Variants in CLMN observed in about 807,000 individuals in gnomAD.
CLMN encodes the protein calmin.
CLMN carries 57 observed loss-of-function variants against 92.7 expected under a neutral mutation model. The observed-to-expected ratio is 0.61, with a 90% CI of 0.50 to 0.77. The LOEUF (loss-of-function observed/expected upper bound fraction) is 0.77. Among genes scored for constraint, CLMN ranks in the 30% least tolerant of loss-of-function variants. CLMN has a pLI of 0.00. For synonymous variants in CLMN, 466 were observed against 470.6 expected (o/e 0.99, Z 0.13); for missense variants, 1,158 against 1,237.5 (o/e 0.94, Z 0.96).
At position 95,319,871 on chromosome 14, in the gene CLMN, G is replaced by C; in HGVS notation, c.-79C>G. ...AGCCTGGCTGGCGGGCGCGCGAGCG[G>C]CACGCACCCGGCGAGGGCGCCGCGG... On this transcript the variant is annotated 5_prime_UTR_variant, in exon 1 of 13. Coordinates refer to ENST00000298912, the MANE Select transcript of CLMN (RefSeq NM_024734.4). The C allele has an allele frequency of 1.7e-5, 13 of 754,552 alleles. No homozygotes were observed. Among genetic ancestry groups the C allele is most frequent in the Non-Finnish European group, 2.1e-5 (13 of 630,306 alleles). The allele number at this position is 754,552 out of a possible 1,614,324, so 46.7% of individuals were successfully genotyped here. A position where few individuals can be genotyped will look rare whatever the true frequency, so the allele number is the denominator to read the frequency against.
intron 1 of CLMN, among the ~76,000 whole-genome samples, chr14:95,250,405 A>C (rs1898734832): frequency 6.6e-6 from 1 of 152,252 alleles, no homozygotes; most frequent in Non-Finnish European, 1.5e-5. Context: ...CATTTTATGC[A>C]TAAATGCCTG....
chr14:95,291,052 C>A (rs1020319578), intron 1 of CLMN, among the ~76,000 whole-genome samples: 1 of 152,234 alleles, frequency 6.6e-6, no homozygotes, highest in Non-Finnish European at 1.5e-5. Flanking sequence ...TCCGAGCTGA[C>A]CACGCTCTTC....
chr14:95,240,739 T>C (rs926523246), intron 1 of CLMN, among the ~76,000 whole-genome samples: 6 of 152,156 alleles, frequency 3.9e-5, no homozygotes, highest in Non-Finnish European at 8.8e-5. Context: ...GCCTCGTAAT[T>C]CTCCCAACCA....
intron 1 of CLMN, among the ~76,000 whole-genome samples, chr14:95,300,830 G>C (rs1196028809): frequency 1.3e-5 from 2 of 152,202 alleles, no homozygotes; most frequent in East Asian, 3.8e-4. Flanking sequence ...GCAGAGACTA[G>C]GTCTGTTCTC....
chr14:95,304,495 G>C (rs957850340), intron 1 of CLMN, among the ~76,000 whole-genome samples: 35 of 152,198 alleles, frequency 2.3e-4, no homozygotes, highest in African/African-American at 8.4e-4. Context: ...TGCACTAAGA[G>C]GATGAGAGGA....
rs1483380976 is a variant in CLMN at position 95,185,911 on chromosome 14, C to G, written c.*5653G>C. The stretch of plus-strand genomic sequence containing the variant: ...CATGACCACGGAAGGAGAACAGCTC[C>G]TCACCAAAGCAGCCATGATGGATTC... On this transcript the variant is annotated 3_prime_UTR_variant, in exon 13 of 13. Coordinates refer to ENST00000298912, the MANE Select transcript of CLMN (RefSeq NM_024734.4). The G allele has an allele frequency of 6.6e-6, 1 of 152,228 alleles. No homozygotes were observed. The highest frequency in any genetic ancestry group is 1.5e-5 in the Non-Finnish European group (1 of 68,044). 9.4% of individuals were successfully genotyped at this position (152,228 alleles called of 1,614,324 possible).
chr14:95,278,381 TTTC>T (rs1240471110), intron 1 of CLMN, among the ~76,000 whole-genome samples: 1 of 152,220 alleles, frequency 6.6e-6, no homozygotes, highest in Non-Finnish European at 1.5e-5. Context: ...GAAAAAGTTT[TTTC>T]TTCTTGGTGA....
intron 1 of CLMN, among the ~76,000 whole-genome samples, chr14:95,230,983 G>A (rs901850397): frequency 5.3e-5 from 8 of 152,282 alleles, no homozygotes; most frequent in East Asian, 3.9e-4. Context: ...TGCCAAGGGC[G>A]ACTGCCATCC....
At chr14:95,293,804 C>G (rs954931698) in intron 1 of CLMN, among the ~76,000 whole-genome samples, 1 of 152,074 alleles carries the variant, frequency 6.6e-6, no homozygotes, top group African/African-American at 2.4e-5. Flanking sequence ...CTTCCTTTCC[C>G]AAGGGTCTCG....
intron 1 of CLMN, among the ~76,000 whole-genome samples, chr14:95,300,915 T>C (rs1031520966): frequency 1.3e-5 from 2 of 152,226 alleles, no homozygotes; most frequent in Non-Finnish European, 2.9e-5. Context: ...TGTAGGAAGC[T>C]GCTGTTGCAT....
At position 95,223,825 on chromosome 14, in the gene CLMN, A is replaced by G; in HGVS notation, c.175T>C (p.Phe59Leu). ...CNPPLEVKDL[F>L]VDIQDGKILM... is the part of the protein sequence containing the mutation. ...ATTTTGCCATCTTGTATATCGACGA[A>G]TAAATCTTTAACTTCTAGAGGTGGG... Residue 59 changes from phenylalanine (F) to leucine (L), a missense_variant, in exon 3 of 13, where the codon TTC becomes CTC. Coordinates refer to ENST00000298912, the MANE Select transcript of CLMN (RefSeq NM_024734.4). 1 of 1,613,666 alleles carries G rather than the reference A, an allele frequency of 6.2e-7. No individual in the cohort carries two copies. The highest frequency in any genetic ancestry group is 8.5e-7 in the Non-Finnish European group (1 of 1,179,910).
At chr14:95,242,408 A>G (rs1185076339) in intron 1 of CLMN, among the ~76,000 whole-genome samples, 1 of 149,888 alleles carries the variant, frequency 6.7e-6, no homozygotes, top group Non-Finnish European at 1.5e-5. Flanking sequence ...ACAGGCATGC[A>G]CCGCCATGCC....
intron 6 of CLMN, among the ~76,000 whole-genome samples, chr14:95,212,329 C>G (rs533394462): frequency 6.6e-6 from 1 of 152,326 alleles, no homozygotes; most frequent in Admixed American, 6.5e-5. Flanking sequence ...CCAGTCTGTA[C>G]GCTGAGGAGC....
chr14:95,204,514 AC>A (rs1439048840), intron 8 of CLMN, 51 bp from the exon 9 acceptor site: 11 of 1,471,442 alleles, frequency 7.5e-6, no homozygotes, highest in East Asian at 2.3e-5. Flanking sequence ...AAGAACAACA[AC>A]AAAAAAAAGC....
chr14:95,210,448 A>C (rs560200216), intron 7 of CLMN, among the ~76,000 whole-genome samples: 410 of 152,324 alleles, frequency 2.7e-3, no homozygotes, highest in African/African-American at 9.6e-3. Flanking sequence ...TTATGATATA[A>C]TGTTAAATAA....
chr14:95,211,903 G>A (rs1446474891), intron 6 of CLMN, among the ~76,000 whole-genome samples: 2 of 152,118 alleles, frequency 1.3e-5, no homozygotes, highest in Admixed American at 1.3e-4. Flanking sequence ...TGGCGGTGGT[G>A]TACAGATTAA....
In CLMN at chr14:95,203,047, C is replaced by T. The variant is rs903608177; in HGVS notation, c.2302G>A (p.Asp768Asn). The T allele has an allele frequency of 6.2e-7, 1 of 1,614,128 alleles. No individual in the cohort carries two copies. Among genetic ancestry groups the T allele is most frequent in the South Asian group, 1.1e-5 (1 of 91,078 alleles). Reference sequence around the variant, plus strand: ...CCATCGGCCTCCTCCTCCCTGGAGTCCAGGTCTGGCATATAGCCCTCTGGC... The same window carrying T: ...CCATCGGCCTCCTCCTCCCTGGAGTTCAGGTCTGGCATATAGCCCTCTGGC... ...EEPEGYMPDLDSREEEADGSQ... is the reference protein window; with the variant it reads ...EEPEGYMPDLNSREEEADGSQ... The change falls in exon 9 of 13, where the codon GAC becomes AAC. Residue 768 changes from aspartate to asparagine, a missense_variant. Physicochemically the swap from Asp to Asn is conservative, Grantham distance 23. Coordinates refer to ENST00000298912, the MANE Select transcript of CLMN (RefSeq NM_024734.4).
At chr14:95,280,141 T>C (rs1421729107) in intron 1 of CLMN, among the ~76,000 whole-genome samples, 1 of 152,240 alleles carries the variant, frequency 6.6e-6, no homozygotes, top group Non-Finnish European at 1.5e-5. Context: ...GGTTTTTCCA[T>C]AAATTGAACA....
At chr14:95,246,624 AC>A (rs1898582835) in intron 1 of CLMN, among the ~76,000 whole-genome samples, 1 of 151,896 alleles carries the variant, frequency 6.6e-6, no homozygotes, top group African/African-American at 2.4e-5. Context: ...GCCCACCACC[AC>A]GCCAGCTAAT....
Sources: allele counts gnomAD v4.1 joint callset (sites outside exome capture counted in the v4.1 genomes callset), GRCh38; gene constraint gnomAD v4.1.1; transcripts MANE v1.5; gene names NCBI Gene and HGNC (gene_info 2026-07-23, HGNC 2026-07-21).